Variants in LRRC53 observed in about 807,000 individuals in gnomAD.
LRRC53 encodes leucine-rich repeat-containing protein 53.
Under a neutral mutation model 13.6 loss-of-function variants are expected in LRRC53, and 25 were observed. That is an observed-to-expected ratio of 1.83 (90% CI 1.34 to 2.56). LRRC53 has a LOEUF of 2.56. LRRC53 is among the 30% of genes most tolerant of loss of function. LRRC53 has a pLI of 0.00. For synonymous variants in LRRC53, 204 were observed against 109.8 expected, an observed-to-expected ratio of 1.86 and a Z score of -5.37; for missense variants, 527 against 275.8, an observed-to-expected ratio of 1.91 and a Z score of -6.45.
At chr1:74,486,800 G>A (rs113913986) in intron 1 of LRRC53, among the ~76,000 whole-genome samples, 27 of 151,880 alleles carry the variant, frequency 1.8e-4, no homozygotes, top group Admixed American at 5.3e-4. Flanking sequence ...GCCAATGAGC[G>A]CAGAAAAAAA....
At chr1:74,473,796 T>G (rs1016294129) in intron 4 of LRRC53, among the ~76,000 whole-genome samples, 2 of 152,148 alleles carry the variant, frequency 1.3e-5, no homozygotes, top group South Asian at 4.1e-4. Flanking sequence ...CAAATTATGT[T>G]GGGGAAAGAA....
chr1:74,531,612 G>C, the LRRC53 span, among the ~76,000 whole-genome samples: 1 of 152,144 alleles, frequency 6.6e-6, no homozygotes, highest in Non-Finnish European at 1.5e-5. Context: ...CTTTTCTATG[G>C]CAAGAGATTT....
rs547827553 is a variant in LRRC53, at chr1:74,472,015, T to C, written c.1607A>G (p.Glu536Gly). 4 of 692,760 alleles carry C rather than the reference T, an allele frequency of 5.8e-6. No homozygotes were observed. Among genetic ancestry groups the C allele is most frequent in the Non-Finnish European group, 1.1e-5 (4 of 375,008 alleles). The allele number at this position is 692,760 out of a possible 1,614,324, so 42.9% of individuals were successfully genotyped here. A position where few individuals can be genotyped will look rare whatever the true frequency, so the allele number is the denominator to read the frequency against. Reference protein sequence around the residue: ...TSSSSKPCEPEEHYVQKIVQK... With the variant: ...TSSSSKPCEPGEHYVQKIVQK... ...TACGATCTTTTGTACATAGTGTTCC[T>C]CAGGCTCACAAGGCTTGGATGATGA... is the stretch of plus-strand genomic sequence containing the variant. The change falls in exon 5 of 5, where the codon GAG (glutamate) becomes GGG (glycine). Residue 536 changes from glutamate to glycine, a missense_variant. By Grantham distance (98) the Glu-to-Gly change is moderately conservative. Coordinates refer to ENST00000294635, the MANE Select transcript of LRRC53 (RefSeq NM_001382280.1).
At chr1:74,516,057 G>A (rs1205225983), upstream of LRRC53, among the ~76,000 whole-genome samples, 1 of 152,198 alleles carries the variant, frequency 6.6e-6, no homozygotes, top group Non-Finnish European at 1.5e-5. Context: ...CAACTTACTG[G>A]TGAAGCCATC....
intron 4 of LRRC53, 39 bp downstream of exon 4, chr1:74,475,256 T>C (rs1668135981): frequency 1.1e-5 from 7 of 619,152 alleles, no homozygotes; most frequent in Middle Eastern, 2.5e-4. Context: ...TCAAAAAGAA[T>C]TAAACGGAGT....
the LRRC53 span, among the ~76,000 whole-genome samples, chr1:74,520,808 G>A: frequency 6.6e-6 from 1 of 152,152 alleles, no homozygotes; most frequent in Non-Finnish European, 1.5e-5. Flanking sequence ...TGCAGCTGGG[G>A]TGGGTGTAAC....
At chr1:74,501,496 G>A (rs1030812394) in intron 1 of LRRC53, among the ~76,000 whole-genome samples, 1 of 140,818 alleles carries the variant, frequency 7.1e-6, no homozygotes, top group Non-Finnish European at 1.5e-5. Flanking sequence ...TTGTTTGTTT[G>A]TTTGTTTGTT....
intron 3 of LRRC53, among the ~76,000 whole-genome samples, chr1:74,479,300 A>G (rs1668359318): frequency 6.6e-6 from 1 of 152,198 alleles, no homozygotes; most frequent in African/African-American, 2.4e-5. Flanking sequence ...AATGACACTA[A>G]GTGTCATTTT....
At chr1:74,478,294 AAACTT>A (rs1279338295) in intron 3 of LRRC53, among the ~76,000 whole-genome samples, 1 of 152,188 alleles carries the variant, frequency 6.6e-6, no homozygotes, top group Non-Finnish European at 1.5e-5. Context: ...ATTCACACCA[AAACTT>A]AACATATATG....
chr1:74,504,764 G>A (rs1485839941), intron 1 of LRRC53, among the ~76,000 whole-genome samples: 3 of 152,056 alleles, frequency 2.0e-5, no homozygotes, highest in Non-Finnish European at 4.4e-5. Flanking sequence ...AGCTCTCACC[G>A]TGGCTATTCT....
intron 1 of LRRC53, among the ~76,000 whole-genome samples, chr1:74,488,860 G>GT (rs1486843523): frequency 2.0e-5 from 3 of 152,144 alleles, no homozygotes; most frequent in African/African-American, 7.2e-5. Flanking sequence ...ATAGTTAATA[G>GT]TTTTTAGTAT....
chr1:74,487,496 A>G (rs570446939), intron 1 of LRRC53, among the ~76,000 whole-genome samples: 1 of 152,330 alleles, frequency 6.6e-6, no homozygotes, highest in Admixed American at 6.5e-5. Context: ...AAGTGAGACC[A>G]GGCAGAATGG....
chr1:74,495,129 C>A (rs45524939), intron 1 of LRRC53, among the ~76,000 whole-genome samples: 4,771 of 152,228 alleles, frequency 0.031, 252 homozygotes, highest in African/African-American at 0.11. Context: ...TCTGGCCCTT[C>A]CTGACTGTTA....
chr1:74,472,674 C>G (rs1051690035), intron 4 of LRRC53, among the ~76,000 whole-genome samples: 2 of 152,050 alleles, frequency 1.3e-5, no homozygotes. Flanking sequence ...GAAATACTTG[C>G]AATACTATTG....
At chr1:74,508,582 G>C (rs555190784) in intron 1 of LRRC53, among the ~76,000 whole-genome samples, 1 of 152,324 alleles carries the variant, frequency 6.6e-6, no homozygotes, top group East Asian at 1.9e-4. Flanking sequence ...CCAGGAGGCA[G>C]ACTGCATTCA....
At position 74,475,486 on chromosome 1, in the gene LRRC53, C is replaced by T. The variant is rs1207322114; in HGVS notation, c.1229G>A (p.Gly410Asp). Residue 410 changes from glycine (G) to aspartate (D), a missense_variant, in exon 4 of 5, where the codon GGC (glycine) becomes GAC (aspartate). By Grantham distance (94) the Gly-to-Asp change is moderately conservative. Transcript: ENST00000294635. ...ACCATCCTGGCAAAATAAAGTGCTG[C>T]CTACCCCACGGTCTTTCTTTTTCAG... ...RNLKKKDRGV[G>D]STLFCQDGRL... 1.4e-6 allele frequency: 1 copy of T among 716,836 alleles called. No individual in the cohort carries two copies. Among genetic ancestry groups the T allele is most frequent in the Non-Finnish European group, 2.6e-6 (1 of 384,844 alleles). The allele number at this position is 716,836 out of a possible 1,614,324, so 44.4% of individuals were successfully genotyped here.
intron 1 of LRRC53, among the ~76,000 whole-genome samples, chr1:74,498,677 T>C (rs1669457649): frequency 6.6e-6 from 1 of 152,256 alleles, no homozygotes; most frequent in East Asian, 1.9e-4. Context: ...TCAAATATAT[T>C]CTCATCCAAA....
the LRRC53 span, among the ~76,000 whole-genome samples, chr1:74,520,728 T>C: frequency 1.3e-5 from 2 of 151,880 alleles, no homozygotes; most frequent in African/African-American, 2.4e-5. Context: ...GCATACTATG[T>C]GGTATTTGGG....
chr1:74,532,099 A>G, the LRRC53 span, among the ~76,000 whole-genome samples: 1 of 152,218 alleles, frequency 6.6e-6, no homozygotes, highest in African/African-American at 2.4e-5. Context: ...TGTGTTTAGG[A>G]AGATGAATCC....
Sources: allele counts gnomAD v4.1 joint callset (sites outside exome capture counted in the v4.1 genomes callset), GRCh38; gene constraint gnomAD v4.1.1; transcripts MANE v1.5; gene names NCBI Gene and HGNC (gene_info 2026-07-23, HGNC 2026-07-21).